NSUN3: variants seen among roughly 807,000 people sequenced by gnomAD.
NSUN3 encodes the protein NOP2/Sun RNA methyltransferase 3.
Under a neutral mutation model 36.8 loss-of-function variants are expected in NSUN3, and 24 were observed. The ratio of observed to expected loss-of-function variants is 0.65; its 90% CI spans 0.47 to 0.92. NSUN3 has a LOEUF of 0.92. Ranked by LOEUF, NSUN3 falls within the 40% of genes least tolerant of loss-of-function variation. The probability of loss-of-function intolerance (pLI) is 0.00; values close to 1 mark genes in which losing one functional copy is unlikely to be tolerated. For missense variants in NSUN3, 381 were observed against 392.8 expected, an observed-to-expected ratio of 0.97 and a Z score of 0.25; for synonymous variants, 146 against 145.2, an observed-to-expected ratio of 1.01 and a Z score of -0.04.
At chr3:94,121,909 C>T (rs2077463991) in intron 5 of NSUN3, among the ~76,000 whole-genome samples, 1 of 152,122 alleles carries the variant, frequency 6.6e-6, no homozygotes. Context: ...CTTTGGGAGG[C>T]CAAGGCGGGC....
intron 2 of NSUN3, among the ~76,000 whole-genome samples, chr3:94,079,536 C>T (rs1046048330): frequency 2.0e-5 from 3 of 152,134 alleles, no homozygotes; most frequent in Non-Finnish European, 2.9e-5. Context: ...CAACTTGTTT[C>T]ATTCTCCCTG....
chr3:94,104,531 G>C (rs1349048390), intron 5 of NSUN3, among the ~76,000 whole-genome samples: 1 of 152,034 alleles, frequency 6.6e-6, no homozygotes, highest in African/African-American at 2.4e-5. Flanking sequence ...CTAAATCTTG[G>C]GATTCAATCA....
At chr3:94,114,176 G>A (rs1302377331) in intron 5 of NSUN3, among the ~76,000 whole-genome samples, 1 of 152,200 alleles carries the variant, frequency 6.6e-6, no homozygotes. Context: ...ATGAATGCAT[G>A]TGGTGTCCTG....
At chr3:94,092,919 CAAAAAA>C (rs1161530879) in intron 3 of NSUN3, among the ~76,000 whole-genome samples, 3 of 24,638 alleles carry the variant, frequency 1.2e-4, no homozygotes, top group Admixed American at 7.7e-4. Context: ...GACTGCATCT[CAAAAAA>C]AAAAAAAAAA....
chr3:94,091,534 T>C (rs915129075), intron 3 of NSUN3, among the ~76,000 whole-genome samples: 1 of 152,176 alleles, frequency 6.6e-6, no homozygotes, highest in Non-Finnish European at 1.5e-5. Context: ...TGTCCAAAAA[T>C]GTAAGTCAAA....
chr3:94,079,091 C>T (rs1031101161), intron 2 of NSUN3, among the ~76,000 whole-genome samples: 25 of 152,154 alleles, frequency 1.6e-4, no homozygotes, highest in African/African-American at 5.6e-4. Context: ...ATGTTTAGTG[C>T]TTCCTTCAGG....
At chr3:94,122,522 G>A (rs1426539227) in intron 5 of NSUN3, among the ~76,000 whole-genome samples, 1 of 152,006 alleles carries the variant, frequency 6.6e-6, no homozygotes, top group Non-Finnish European at 1.5e-5. Flanking sequence ...ACACTACCCT[G>A]CACCCTGCAA....
At chr3:94,103,795 C>T (rs1222159462) in intron 5 of NSUN3, among the ~76,000 whole-genome samples, 1 of 152,090 alleles carries the variant, frequency 6.6e-6, no homozygotes, top group African/African-American at 2.4e-5. Context: ...AAAATGTATC[C>T]TAAAGGAGAT....
intron 5 of NSUN3, among the ~76,000 whole-genome samples, chr3:94,109,887 C>G (rs2077408862): frequency 6.6e-6 from 1 of 152,208 alleles, no homozygotes; most frequent in African/African-American, 2.4e-5. Flanking sequence ...AGTACGCCTT[C>G]AGAATTCATT....
chr3:94,077,946 C>T (rs1422190831), intron 2 of NSUN3, among the ~76,000 whole-genome samples: 4 of 152,114 alleles, frequency 2.6e-5, no homozygotes, highest in Admixed American at 2.0e-4. Flanking sequence ...ACCTTCAGTT[C>T]TGCTCTGATC....
chr3:94,072,916 C>T (rs2077230006), intron 2 of NSUN3, among the ~76,000 whole-genome samples: 1 of 152,034 alleles, frequency 6.6e-6, no homozygotes, highest in African/African-American at 2.4e-5. Flanking sequence ...AACCCATCAC[C>T]TACATTAGGT....
chr3:94,077,546 C>T (rs960323691), intron 2 of NSUN3, among the ~76,000 whole-genome samples: 7 of 152,098 alleles, frequency 4.6e-5, no homozygotes, highest in Admixed American at 2.0e-4. Flanking sequence ...TGGTAGAATT[C>T]GGCTGTGAAT....
chr3:94,120,988 A>C (rs2077458817), intron 5 of NSUN3, among the ~76,000 whole-genome samples: 2 of 152,190 alleles, frequency 1.3e-5, no homozygotes, highest in Admixed American at 6.5e-5. Flanking sequence ...CCTTTACCTT[A>C]GTGTGTTGCT....
At chr3:94,066,692 G>T (rs1484079344) in intron 2 of NSUN3, among the ~76,000 whole-genome samples, 2 of 152,102 alleles carry the variant, frequency 1.3e-5, no homozygotes, top group African/African-American at 2.4e-5. Context: ...TCAGTATGCT[G>T]TCATCTCAAG....
intron 5 of NSUN3, among the ~76,000 whole-genome samples, chr3:94,098,863 T>C (rs575473161): frequency 7.8e-4 from 119 of 152,274 alleles, no homozygotes; most frequent in African/African-American, 2.7e-3. Context: ...TGTCCTCATG[T>C]CCTTACCTTC....
At chr3:94,108,748 G>A (rs1474684174) in intron 5 of NSUN3, among the ~76,000 whole-genome samples, 6 of 151,622 alleles carry the variant, frequency 4.0e-5, no homozygotes, top group Non-Finnish European at 7.4e-5. Flanking sequence ...TCACTAAGGC[G>A]GAGGCCTCCC....
At chr3:94,087,830 G>A (rs572164537) in intron 3 of NSUN3, among the ~76,000 whole-genome samples, 103 of 152,154 alleles carry the variant, frequency 6.8e-4, no homozygotes, top group African/African-American at 2.4e-3. Flanking sequence ...CACCAAACCT[G>A]GCTAATTTTT....
chr3:94,087,044 A>G (rs2077295137), intron 3 of NSUN3, among the ~76,000 whole-genome samples: 1 of 152,240 alleles, frequency 6.6e-6, no homozygotes, highest in Non-Finnish European at 1.5e-5. Context: ...TAGGAACCCA[A>G]AGGCAAACTG....
chr3:94,097,343 A>T (rs905697419), intron 5 of NSUN3, among the ~76,000 whole-genome samples: 2 of 151,836 alleles, frequency 1.3e-5, no homozygotes, highest in African/African-American at 4.8e-5. Flanking sequence ...CATGATATGT[A>T]TATTCTTCTG....
Sources: allele counts gnomAD v4.1 joint callset (sites outside exome capture counted in the v4.1 genomes callset), GRCh38; gene constraint gnomAD v4.1.1; transcripts MANE v1.5; gene names NCBI Gene and HGNC (gene_info 2026-07-23, HGNC 2026-07-21).